The following ZNF704 variants were observed in gnomAD, a reference collection of about 807,000 sequenced individuals.
ZNF704 encodes the protein glucocorticoid induced gene 1.
A neutral mutation model predicts 44.7 loss-of-function variants in ZNF704; 10 were observed. That is an observed-to-expected ratio of 0.22 (90% CI 0.14 to 0.38). The LOEUF (loss-of-function observed/expected upper bound fraction) is 0.38, where lower values mean the gene tolerates loss of function less well. Among genes scored for constraint, ZNF704 ranks in the 10% least tolerant of loss-of-function variants. The pLI, the probability that ZNF704 is intolerant of heterozygous loss-of-function variation, is 1.00. For synonymous variants in ZNF704, 211 were observed against 207.6 expected (o/e 1.02, Z -0.14); for missense variants, 390 against 545.5 (o/e 0.71, Z 2.84).
chr8:80,835,531 C>G (rs975444100), intron 1 of ZNF704, among the ~76,000 whole-genome samples: 1 of 152,080 alleles, frequency 6.6e-6, no homozygotes, highest in Non-Finnish European at 1.5e-5. Flanking sequence ...AGGGAGGGGA[C>G]GAGTCAGTTA....
intron 2 of ZNF704, among the ~76,000 whole-genome samples, chr8:80,793,763 C>T (rs1807752516): frequency 6.6e-6 from 1 of 151,994 alleles, no homozygotes; most frequent in Non-Finnish European, 1.5e-5. Flanking sequence ...ATATTGAATG[C>T]TACAATAAAT....
chr8:80,842,758 C>T (rs1336293617), intron 1 of ZNF704, among the ~76,000 whole-genome samples: 4 of 152,306 alleles, frequency 2.6e-5, no homozygotes, highest in African/African-American at 9.6e-5. Flanking sequence ...TTAGCTCAAA[C>T]CACACTCAAG....
At chr8:80,821,278 C>T in intron 2 of ZNF704, 96 bp downstream of exon 2, 1 of 1,285,310 alleles carries the variant, frequency 7.8e-7, no homozygotes, top group Non-Finnish European at 1.1e-6. Flanking sequence ...TTTCATATGT[C>T]TATATACTGA....
intron 2 of ZNF704, among the ~76,000 whole-genome samples, chr8:80,735,152 C>A (rs1263409246): frequency 6.6e-6 from 1 of 152,218 alleles, no homozygotes; most frequent in African/African-American, 2.4e-5. Context: ...TTGAAATAAA[C>A]CTCCACTTTA....
chr8:80,880,439 G>A, the ZNF704 span, among the ~76,000 whole-genome samples: 1 of 152,184 alleles, frequency 6.6e-6, no homozygotes, highest in East Asian at 1.9e-4. Context: ...ATACAAATTT[G>A]TAGAAGGGAT....
intron 2 of ZNF704, among the ~76,000 whole-genome samples, chr8:80,740,729 T>A (rs1806742533): frequency 6.6e-6 from 1 of 152,232 alleles, no homozygotes; most frequent in African/African-American, 2.4e-5. Context: ...TCTCAATTCT[T>A]CTTTGCCTTT....
intron 6 of ZNF704, 91 bp from the exon 7 acceptor site, chr8:80,659,780 G>A (rs190833096): frequency 2.7e-6 from 3 of 1,126,246 alleles, no homozygotes; most frequent in Admixed American, 3.8e-5. Context: ...CCTCAGAAAT[G>A]GTCTCAGCTA....
chr8:80,806,623 A>G (rs922235215), intron 2 of ZNF704, among the ~76,000 whole-genome samples: 1 of 152,222 alleles, frequency 6.6e-6, no homozygotes, highest in Non-Finnish European at 1.5e-5. Context: ...CTTCTTGGAA[A>G]AAGGTTCCTT....
At chr8:80,825,491 C>G (rs1031682369) in intron 1 of ZNF704, among the ~76,000 whole-genome samples, 1 of 152,078 alleles carries the variant, frequency 6.6e-6, no homozygotes, top group African/African-American at 2.4e-5. Context: ...ACTTTAACAC[C>G]CCACTGTCAA....
At chr8:80,671,214 G>A (rs946305221) in intron 4 of ZNF704, among the ~76,000 whole-genome samples, 1 of 152,012 alleles carries the variant, frequency 6.6e-6, no homozygotes, top group African/African-American at 2.4e-5. Flanking sequence ...TGCAGCCTCC[G>A]CCTCCTGGGC....
Position 80,874,571 on chromosome 8 carries a change from C to G in ZNF704, c.-22G>C, listed in dbSNP as rs570788536. ...GGACTGGATTTTTTTTTTCTCTTAC[C>G]CACAGTCTCCGAAAGTCTGGCGCTT... On this transcript the variant is annotated splice_region_variant and 5_prime_UTR_variant, in exon 1 of 9. Coordinates refer to ENST00000327835, the MANE Select transcript of ZNF704 (RefSeq NM_001033723.3). The surrounding 1 kb of genome is among the most constrained non-coding windows in gnomAD (Gnocchi z 4.4). 3 of 151,966 alleles carry G rather than the reference C, an allele frequency of 2.0e-5. No individual in the cohort carries two copies. The South Asian group carries it at 6.2e-4, about 32-fold the overall frequency. 9.4% of individuals were successfully genotyped at this position (151,966 alleles called of 1,614,324 possible). A position where few individuals can be genotyped will look rare whatever the true frequency, so the allele number is the denominator to read the frequency against.
intron 1 of ZNF704, among the ~76,000 whole-genome samples, chr8:80,870,821 T>C (rs964816849): frequency 6.6e-6 from 1 of 152,076 alleles, no homozygotes; most frequent in African/African-American, 2.4e-5. Context: ...TGACCTCTCC[T>C]ATCCACTCCC....
chr8:80,793,399 G>A (rs1180607980), intron 2 of ZNF704, among the ~76,000 whole-genome samples: 1 of 152,096 alleles, frequency 6.6e-6, no homozygotes, highest in African/African-American at 2.4e-5. Context: ...CCCCAAAAAA[G>A]TGGCACATAC....
At position 80,632,676 on chromosome 8, in the gene ZNF704, A is replaced by G. The variant is rs1227822167; in HGVS notation, c.*8690T>C. 1 of 152,204 alleles carries G rather than the reference A, an allele frequency of 6.6e-6. No homozygotes were observed. Among genetic ancestry groups the G allele is most frequent in the Non-Finnish European group, 1.5e-5 (1 of 68,030 alleles). 9.4% of individuals were successfully genotyped at this position (152,204 alleles called of 1,614,324 possible). On this transcript the variant is annotated 3_prime_UTR_variant, in exon 9 of 9. Coordinates refer to ENST00000327835, the MANE Select transcript of ZNF704 (RefSeq NM_001033723.3). Reference sequence around the variant, plus strand: ...GTGCCTAACATGAAAGAACATTTTAAAAAACAAGGACTACAGTTTAATCAC... The same window carrying G: ...GTGCCTAACATGAAAGAACATTTTAGAAAACAAGGACTACAGTTTAATCAC...
At chr8:80,781,415 CATACTGAA>C (rs1312359284) in intron 2 of ZNF704, among the ~76,000 whole-genome samples, 1 of 152,206 alleles carries the variant, frequency 6.6e-6, no homozygotes, top group Non-Finnish European at 1.5e-5. Context: ...TTTATTTATG[CATACTGAA>C]ATTTGAATTT....
chr8:80,643,002 G>A, intron 8 of ZNF704, 33 bp downstream of exon 8: 1 of 1,429,736 alleles, frequency 7.0e-7, no homozygotes, highest in African/African-American at 1.4e-5. Flanking sequence ...TTCCCTTGTG[G>A]TGAGGTGTGT....
intron 6 of ZNF704, among the ~76,000 whole-genome samples, chr8:80,664,514 G>A (rs560210051): frequency 1.8e-4 from 27 of 151,314 alleles, no homozygotes; most frequent in African/African-American, 5.3e-4. Context: ...CAGGTGATCC[G>A]CCCGCCTCAG....
intron 2 of ZNF704, among the ~76,000 whole-genome samples, chr8:80,808,486 G>A (rs780662042): frequency 1.3e-5 from 2 of 152,200 alleles, no homozygotes; most frequent in Non-Finnish European, 1.5e-5. Flanking sequence ...TGGAAAATAT[G>A]ACTACACTGT....
At position 80,636,560 on chromosome 8, in the gene ZNF704, T is replaced by G. The variant is rs1817665321; in HGVS notation, c.*4806A>C. 6.6e-6 allele frequency: 1 copy of G among 152,212 alleles called. No individual in the cohort carries two copies. The highest frequency in any genetic ancestry group is 2.4e-5 in the African/African-American group (1 of 41,452). The allele number at this position is 152,212 out of a possible 1,614,324, so 9.4% of individuals were successfully genotyped here. A position where few individuals can be genotyped will look rare whatever the true frequency, so the allele number is the denominator to read the frequency against. On this transcript the variant is annotated 3_prime_UTR_variant, in exon 9 of 9. Transcript: ENST00000327835. Reference sequence around the variant, plus strand: ...TTGGCTAGTTACAATGCAAAAAAGATACATGAAACAGTTCCAATATGGAGG... The same window carrying G: ...TTGGCTAGTTACAATGCAAAAAAGAGACATGAAACAGTTCCAATATGGAGG...
Sources: gnomAD v4.1 joint callset for allele counts (sites outside exome capture counted in the v4.1 genomes callset) on GRCh38, gnomAD v4.1.1 for gene constraint, Gnocchi (gnomAD v3.1) non-coding constraint, MANE v1.5 for transcripts, NCBI Gene and HGNC (gene_info 2026-07-23, HGNC 2026-07-21) for gene names.